Variants in TRPS1 observed in about 807,000 individuals in gnomAD.
TRPS1 encodes transcriptional repressor GATA binding 1.
Under a neutral mutation model 101.2 loss-of-function variants are expected in TRPS1, and 6 were observed. That is an observed-to-expected ratio of 0.06 (90% CI 0.03 to 0.12). TRPS1 has a LOEUF of 0.12. TRPS1 is among the 10% of genes least tolerant of loss of function. TRPS1 has a pLI of 1.00. For synonymous variants in TRPS1, 578 were observed against 589.8 expected, an observed-to-expected ratio of 0.98 and a Z score of 0.29; for missense variants, 1,363 against 1,567.0, an observed-to-expected ratio of 0.87 and a Z score of 2.20.
chr8:115,537,904 A>G (rs2130296677), intron 5 of TRPS1, among the ~76,000 whole-genome samples: 1 of 152,280 alleles, frequency 6.6e-6, no homozygotes, highest in Admixed American at 6.5e-5. Flanking sequence ...GTGTTCTACT[A>G]ATTGCTTGGT....
intron 1 of TRPS1, among the ~76,000 whole-genome samples, chr8:115,638,018 C>T (rs1344993108): frequency 6.6e-6 from 1 of 152,174 alleles, no homozygotes; most frequent in Non-Finnish European, 1.5e-5. Context: ...GCCAGATTTT[C>T]CCAGTCCCAC....
chr8:115,413,808 A>T lies in TRPS1; in HGVS notation c.*215T>A, dbSNP rs1812844798. On this transcript the variant is annotated 3_prime_UTR_variant, in exon 7 of 7. Coordinates refer to ENST00000395715, the MANE Select transcript of TRPS1 (RefSeq NM_014112.5). ...AACAGGTTTTAAAAAGTGATTGTTT[A>T]CCATCTTCCATTCTTTCTCATTGAC... is the stretch of plus-strand genomic sequence containing the variant. 3.5e-6 allele frequency: 2 copies of T among 568,406 alleles called. No individual in the cohort carries two copies. Among genetic ancestry groups the T allele is most frequent in the South Asian group, 4.5e-5 (2 of 43,960 alleles). 35.2% of individuals were successfully genotyped at this position (568,406 alleles called of 1,614,324 possible). A position where few individuals can be genotyped will look rare whatever the true frequency, so the allele number is the denominator to read the frequency against.
chr8:115,540,521 T>C (rs1816427303), intron 5 of TRPS1, among the ~76,000 whole-genome samples: 1 of 152,140 alleles, frequency 6.6e-6, no homozygotes, highest in East Asian at 1.9e-4. Context: ...CATTTCTTGA[T>C]CTTCCATTAC....
rs994914569 is a variant in TRPS1 at position 115,408,806 on chromosome 8, A to C, written c.*5217T>G. On this transcript the variant is annotated 3_prime_UTR_variant, in exon 7 of 7. Coordinates refer to ENST00000395715, the MANE Select transcript of TRPS1 (RefSeq NM_014112.5). ...GCTGTAAGTTAAATTTTACATTGGC[A>C]TTTTGAGATGTTCCCCCCTCATGCC... 5.9e-5 allele frequency: 9 copies of C among 152,256 alleles called. No homozygotes were observed. The highest frequency in any genetic ancestry group is 2.2e-4 in the African/African-American group (9 of 41,362). 9.4% of individuals were successfully genotyped at this position (152,256 alleles called of 1,614,324 possible).
At chr8:115,522,105 C>A (rs900705949) in intron 5 of TRPS1, among the ~76,000 whole-genome samples, 1 of 151,842 alleles carries the variant, frequency 6.6e-6, no homozygotes. Flanking sequence ...TTTAATGGAT[C>A]GTTTTTAGAT....
intron 5 of TRPS1, among the ~76,000 whole-genome samples, chr8:115,564,984 T>C (rs1817033244): frequency 1.3e-5 from 2 of 152,086 alleles, no homozygotes; most frequent in South Asian, 4.1e-4. Flanking sequence ...ACACTATATA[T>C]ATAGGGGCTT....
chr8:115,635,002 A>G (rs922322512), intron 1 of TRPS1, among the ~76,000 whole-genome samples: 2 of 152,196 alleles, frequency 1.3e-5, no homozygotes, highest in Non-Finnish European at 2.9e-5. Context: ...GTAAGCTAAA[A>G]TAATAGATGA....
intron 1 of TRPS1, among the ~76,000 whole-genome samples, chr8:115,633,320 A>C (rs1818692255): frequency 6.6e-6 from 1 of 152,144 alleles, no homozygotes; most frequent in South Asian, 2.1e-4. Flanking sequence ...GGGTGAAGAT[A>C]ATCAGAGACA....
chr8:115,487,056 T>C (rs1310242906), intron 5 of TRPS1, among the ~76,000 whole-genome samples: 1 of 152,206 alleles, frequency 6.6e-6, no homozygotes, highest in African/African-American at 2.4e-5. Context: ...TGAGTCTCTT[T>C]TTAAGGGCTA....
chr8:115,599,196 GCCT>G (rs1817853966), intron 4 of TRPS1, among the ~76,000 whole-genome samples: 1 of 151,934 alleles, frequency 6.6e-6, no homozygotes, highest in Non-Finnish European at 1.5e-5. Flanking sequence ...TCTGTCTAAT[GCCT>G]CATTTTGATT....
chr8:115,611,498 C>T (rs1162237963), intron 3 of TRPS1, among the ~76,000 whole-genome samples: 2 of 152,140 alleles, frequency 1.3e-5, no homozygotes, highest in African/African-American at 4.8e-5. Context: ...AAGACAACAA[C>T]AATGGAAAAC....
chr8:115,462,624 T>C (rs1379636100), intron 5 of TRPS1, among the ~76,000 whole-genome samples: 3 of 49,774 alleles, frequency 6.0e-5, no homozygotes, highest in African/African-American at 2.0e-4. Context: ...GTTTTTCTTT[T>C]CTCTCTCTCT....
Position 115,538,686 on chromosome 8 carries a change from C to A in TRPS1, c.2700+48315G>T, listed in dbSNP as rs530756526. Among the ~76,000 whole-genome samples, 16 of 152,058 alleles carry A rather than the reference C, an allele frequency of 1.1e-4. No individual in the cohort carries two copies. In the East Asian group the frequency reaches 2.9e-3, roughly 28 times the overall value. The stretch of plus-strand genomic sequence containing the variant: ...AGAATAAAAAATTACTGAGAACATA[C>A]TCTGTGCTAGATACCATATGTTTTC... On this transcript the variant is annotated intron_variant, in intron 5 of 6. Coordinates refer to ENST00000395715, the MANE Select transcript of TRPS1 (RefSeq NM_014112.5).
intron 2 of TRPS1, among the ~76,000 whole-genome samples, chr8:115,622,244 T>G (rs1358710022): frequency 6.6e-6 from 1 of 152,086 alleles, no homozygotes; most frequent in Non-Finnish European, 1.5e-5. Context: ...CATTTCAATG[T>G]CTTATGTGTT....
chr8:115,622,637 C>G (rs1220491655), intron 2 of TRPS1, among the ~76,000 whole-genome samples: 2 of 152,094 alleles, frequency 1.3e-5, no homozygotes, highest in Non-Finnish European at 2.9e-5. Flanking sequence ...TACTGAATAA[C>G]TATATCATTT....
At chr8:115,661,927 T>C (rs1318496757) in intron 1 of TRPS1, among the ~76,000 whole-genome samples, 2 of 151,852 alleles carry the variant, frequency 1.3e-5, no homozygotes, top group African/African-American at 4.8e-5. Context: ...CAAACAAAAT[T>C]CATTAAATAA....
chr8:115,591,645 C>T (rs1349669785), intron 4 of TRPS1, among the ~76,000 whole-genome samples: 4 of 152,088 alleles, frequency 2.6e-5, no homozygotes, highest in African/African-American at 9.7e-5. Flanking sequence ...TAGGCAAAAC[C>T]GCCCATGGTA....
rs564060666 is a variant in TRPS1 at position 115,509,226 on chromosome 8, T to C, written c.2700+77775A>G. Among the ~76,000 whole-genome samples the C allele has an allele frequency of 3.3e-5, 5 of 152,168 alleles. No individual in the cohort carries two copies. The South Asian group carries it at 1.0e-3, about 32-fold the overall frequency. On this transcript the variant is annotated intron_variant, in intron 5 of 6. Transcript: ENST00000395715. Reference sequence around the variant, plus strand: ...AACTCCTTATCTCTTTAAAGAGGTATAAGAGTTCCTATTGGAGCAGGACCT... The same window carrying C: ...AACTCCTTATCTCTTTAAAGAGGTACAAGAGTTCCTATTGGAGCAGGACCT...
chr8:115,630,070 T>C (rs1818605242), intron 1 of TRPS1, among the ~76,000 whole-genome samples: 1 of 151,984 alleles, frequency 6.6e-6, no homozygotes, highest in African/African-American at 2.4e-5. Context: ...GTTAGGTAGA[T>C]GTCAAAGTAA....
Sources: gnomAD v4.1 joint callset for allele counts (sites outside exome capture counted in the v4.1 genomes callset) on GRCh38, gnomAD v4.1.1 for gene constraint, MANE v1.5 for transcripts, NCBI Gene and HGNC (gene_info 2026-07-23, HGNC 2026-07-21) for gene names.